Variants in PHYKPL observed in about 807,000 individuals in gnomAD.
The protein encoded by PHYKPL is 5-phosphonooxy-L-lysine phospho-lyase.
PHYKPL carries 42 observed loss-of-function variants against 51.3 expected under a neutral mutation model. The observed-to-expected ratio is 0.82, with a 90% CI of 0.64 to 1.06. The LOEUF is 1.06. Among genes scored for constraint, PHYKPL ranks in the 50% least tolerant of loss-of-function variants. The probability of loss-of-function intolerance (pLI) is 0.00; values close to 1 mark genes in which losing one functional copy is unlikely to be tolerated. For missense variants in PHYKPL, 655 were observed against 586.6 expected (o/e 1.12, Z -1.20); for synonymous variants, 264 against 236.0 (o/e 1.12, Z -1.09).
rs183209408 is a variant in PHYKPL at position 178,231,594 on chromosome 5, C to T, written c.60-71G>A. On this transcript the variant is annotated intron_variant, in intron 1 of 12. Coordinates refer to ENST00000308158, the MANE Select transcript of PHYKPL (RefSeq NM_153373.4). ...AGGGTGAAGTCTACTCATCGCAGAC[C>T]CCCGCCCACCCCTTCCCAGTTTCTG... is the stretch of plus-strand genomic sequence containing the variant. 2.4e-4 allele frequency: 392 copies of T among 1,609,016 alleles called. 3 individuals carry two copies. The African/African-American group carries it at 4.5e-3, about 18-fold the overall frequency.
chr5:178,222,304 G>A (rs763473941), intron 8 of PHYKPL, 51 bp downstream of exon 8: 192 of 1,493,178 alleles, frequency 1.3e-4, no homozygotes, highest in Non-Finnish European at 1.5e-4. Flanking sequence ...GCTGATCACC[G>A]GGGGCCTATC....
chr5:178,225,518 CAAG>C, intron 3 of PHYKPL, 89 bp from the exon 4 acceptor site: 3 of 1,273,258 alleles, frequency 2.4e-6, no homozygotes, highest in Admixed American at 1.8e-5. Context: ...CTTCCAGCAG[CAAG>C]AAGATTCTCA....
chr5:178,215,969 C>A (rs72817296), intron 8 of PHYKPL: 19 of 152,448 alleles, frequency 1.2e-4, no homozygotes, highest in African/African-American at 4.3e-4. Flanking sequence ...CTGCAAACCA[C>A]GTTTTTTGTT....
intron 6 of PHYKPL, chr5:178,223,736 AAGCCTTCAGAG>A: frequency 3.0e-6 from 1 of 337,192 alleles, no homozygotes; most frequent in South Asian, 2.2e-5. Context: ...TCCTTCAGTG[AAGCCTTCAGAG>A]AGCCCTCACC....
At chr5:178,215,209 G>A (rs1035772464) in intron 9 of PHYKPL, 67 bp downstream of exon 9, 24 of 1,605,244 alleles carry the variant, frequency 1.5e-5, no homozygotes, top group Non-Finnish European at 2.0e-5. Flanking sequence ...GTTGTTAGGA[G>A]GTGAAGAAAA....
intron 7 of PHYKPL, 104 bp from the exon 8 acceptor site, chr5:178,222,684 G>A: frequency 1.4e-6 from 2 of 1,393,444 alleles, no homozygotes; most frequent in Non-Finnish European, 2.0e-6. Context: ...CAGCAGTAAG[G>A]TGGGGACCTT....
In PHYKPL at chr5:178,232,679, C is replaced by T. The variant is rs879638995; in HGVS notation, c.-129G>A. The T allele has an allele frequency of 2.8e-6, 3 of 1,070,004 alleles. No individual in the cohort carries two copies. Among genetic ancestry groups the T allele is most frequent in the African/African-American group, 3.3e-5 (2 of 60,260 alleles). The allele number at this position is 1,070,004 out of a possible 1,614,324, so 66.3% of individuals were successfully genotyped here. A position where few individuals can be genotyped will look rare whatever the true frequency, so the allele number is the denominator to read the frequency against. On this transcript the variant is annotated 5_prime_UTR_variant, in exon 1 of 13. Coordinates refer to ENST00000308158, the MANE Select transcript of PHYKPL (RefSeq NM_153373.4). ...ATTTGGGGCTCAGGTTCGCACTCGG[C>T]CCCGCCCCGAAGCGCCCGCGTTGCG...
intron 8 of PHYKPL, among the ~76,000 whole-genome samples, chr5:178,217,410 G>A (rs970372782): frequency 2.6e-5 from 4 of 151,796 alleles, no homozygotes; most frequent in African/African-American, 9.7e-5. Context: ...TAGTAGAGAC[G>A]GAGTTTCACT....
chr5:178,228,628 T>A (rs1239044737), intron 3 of PHYKPL: 5 of 702,384 alleles, frequency 7.1e-6, no homozygotes, highest in Non-Finnish European at 1.3e-5. Context: ...TCCTAGAAAT[T>A]ATCTGGGGGG....
intron 12 of PHYKPL, chr5:178,210,200 T>TACG (rs778877004): frequency 1.2e-6 from 2 of 1,612,786 alleles, no homozygotes; most frequent in Admixed American, 3.3e-5. Context: ...CCAGCAGGGC[T>TACG]ACGGGCCTGG....
chr5:178,210,942 T>C (rs1407949126), intron 12 of PHYKPL: 5 of 359,904 alleles, frequency 1.4e-5, no homozygotes, highest in African/African-American at 2.1e-5. Context: ...TTGTAAAGAG[T>C]AAATTGTATC....
intron 3 of PHYKPL, chr5:178,228,253 G>A (rs1762673160): frequency 2.2e-6 from 1 of 445,924 alleles, no homozygotes; most frequent in Admixed American, 3.8e-5. Context: ...GAACAGAGGA[G>A]GAATCAGCAA....
chr5:178,212,064 A>AGAT, intron 11 of PHYKPL, 94 bp from the exon 12 acceptor site: 1 of 1,382,684 alleles, frequency 7.2e-7, no homozygotes, highest in Non-Finnish European at 1.0e-6. Context: ...GACAGTTTAG[A>AGAT]GATTGGGCCC....
At chr5:178,219,729 C>T (rs930086463) in intron 8 of PHYKPL, among the ~76,000 whole-genome samples, 2 of 151,880 alleles carry the variant, frequency 1.3e-5, no homozygotes, top group Non-Finnish European at 2.9e-5. Context: ...GGATTACAGG[C>T]GTGAGCCACC....
At chr5:178,209,919 A>G (rs1757663911) in intron 12 of PHYKPL, among the ~76,000 whole-genome samples, 2 of 152,110 alleles carry the variant, frequency 1.3e-5, no homozygotes, top group Non-Finnish European at 2.9e-5. Context: ...TGTTTGCCCC[A>G]AGTAAAGTTA....
At chr5:178,229,515 AC>A (rs1375988203) in intron 3 of PHYKPL, among the ~76,000 whole-genome samples, 2 of 151,944 alleles carry the variant, frequency 1.3e-5, no homozygotes, top group East Asian at 3.9e-4. Flanking sequence ...GTTTCCCTGA[AC>A]CCCCAGGTCA....
intron 8 of PHYKPL, among the ~76,000 whole-genome samples, chr5:178,221,370 C>T (rs1414438512): frequency 6.6e-6 from 1 of 152,066 alleles, no homozygotes; most frequent in Non-Finnish European, 1.5e-5. Flanking sequence ...TCTTCACCCA[C>T]CTCTTGCCTG....
downstream of PHYKPL, among the ~76,000 whole-genome samples, chr5:178,207,691 C>CTTTTTTTTTTTTTTTT (rs34424574): frequency 3.8e-5 from 3 of 78,756 alleles, no homozygotes; most frequent in Admixed American, 1.7e-4. Flanking sequence ...ACTTTGAGCA[C>CTTTTTTTTTTTTTTTT]TTTTTTTTTT....
chr5:178,212,406 T>C (rs897294807), intron 11 of PHYKPL, among the ~76,000 whole-genome samples: 6 of 152,248 alleles, frequency 3.9e-5, no homozygotes, highest in African/African-American at 1.4e-4. Context: ...TGTGCCTATT[T>C]AGGGTCTCAC....
Sources: gnomAD v4.1 joint callset for allele counts (sites outside exome capture counted in the v4.1 genomes callset) on GRCh38, gnomAD v4.1.1 for gene constraint, MANE v1.5 for transcripts, NCBI Gene and HGNC (gene_info 2026-07-23, HGNC 2026-07-21) for gene names.